HOMER1: variants seen among roughly 807,000 people sequenced by gnomAD.
HOMER1 encodes homer scaffold protein 1.
Under a neutral mutation model 48.9 loss-of-function variants are expected in HOMER1, and 3 were observed. The observed-to-expected ratio is 0.06, with a 90% CI of 0.03 to 0.16. The LOEUF (loss-of-function observed/expected upper bound fraction) is 0.16. Ranked by LOEUF, HOMER1 falls within the 10% of genes least tolerant of loss-of-function variation. The pLI is 1.00. For synonymous variants in HOMER1, 134 were observed against 146.4 expected (o/e 0.92, Z 0.61); for missense variants, 247 against 411.4 (o/e 0.60, Z 3.46).
chr5:79,414,901 C>CT (rs1749904235), intron 5 of HOMER1, among the ~76,000 whole-genome samples: 1 of 152,090 alleles, frequency 6.6e-6, no homozygotes, highest in Admixed American at 6.6e-5. Flanking sequence ...TATATGTTGA[C>CT]TGATGAAGTT....
chr5:79,511,322 T>G (rs1213568897), intron 1 of HOMER1, among the ~76,000 whole-genome samples: 1 of 152,268 alleles, frequency 6.6e-6, no homozygotes, highest in Non-Finnish European at 1.5e-5. Flanking sequence ...TTTTCAGCGT[T>G]AAGCGCTTAA....
At chr5:79,486,753 A>AT (rs1313825907) in intron 1 of HOMER1, among the ~76,000 whole-genome samples, 1 of 152,230 alleles carries the variant, frequency 6.6e-6, no homozygotes, top group Non-Finnish European at 1.5e-5. Flanking sequence ...AGAAAGCCAG[A>AT]TAAACCCCAG....
At chr5:79,501,594 C>G (rs73770439) in intron 1 of HOMER1, among the ~76,000 whole-genome samples, 31,528 of 152,084 alleles carry the variant, frequency 0.21, 3,590 homozygotes, top group Admixed American at 0.31. Flanking sequence ...AATGAACTCA[C>G]CTATAAGAAA....
chr5:79,476,433 G>A (rs1435355041), intron 1 of HOMER1, among the ~76,000 whole-genome samples: 4 of 152,136 alleles, frequency 2.6e-5, no homozygotes, highest in Admixed American at 2.6e-4. Flanking sequence ...TATAGTGTCA[G>A]ATCGCACAGG....
chr5:79,480,089 T>C (rs1374730100), intron 1 of HOMER1, among the ~76,000 whole-genome samples: 3 of 151,760 alleles, frequency 2.0e-5, no homozygotes, highest in African/African-American at 4.8e-5. Flanking sequence ...CAAACCAACA[T>C]GTCATTTAGA....
intron 3 of HOMER1, among the ~76,000 whole-genome samples, chr5:79,450,174 G>A (rs1750993079): frequency 6.6e-6 from 1 of 152,152 alleles, no homozygotes; most frequent in Admixed American, 6.5e-5. Context: ...AAAATATATG[G>A]TTATTCTTTT....
chr5:79,414,531 C>G (rs943783416), intron 5 of HOMER1, among the ~76,000 whole-genome samples: 1 of 151,902 alleles, frequency 6.6e-6, no homozygotes, highest in African/African-American at 2.4e-5. Context: ...AGGTACATAC[C>G]ACCACACTTG....
At chr5:79,483,770 A>C (rs1026939753) in intron 1 of HOMER1, among the ~76,000 whole-genome samples, 2 of 145,840 alleles carry the variant, frequency 1.4e-5, no homozygotes, top group South Asian at 2.2e-4. Context: ...AAAAAAAAAA[A>C]GTGGCCGGGT....
At position 79,379,369 on chromosome 5, in the gene HOMER1, TATATTTATATATTTTATATATTATATAA is replaced by T. The variant is rs1419710027; in HGVS notation, c.877-3200_877-3173del. On this transcript the variant is annotated intron_variant, in intron 8 of 8. Coordinates refer to ENST00000334082, the MANE Select transcript of HOMER1 (RefSeq NM_004272.5). Reference sequence around the variant, plus strand: ...TTTATATATTATATAAATATTTATATATATTTATATATTTTATATATTATATAAATATTTATATATTTATATATTTTAT... The same window carrying T: ...TTTATATATTATATAAATATTTATATATATTTATATATTTATATATTTTAT... Among the ~76,000 whole-genome samples the T allele has an allele frequency of 1.1e-4, 12 of 113,258 alleles. No homozygotes were observed. The East Asian group carries it at 2.5e-3, about 24-fold the overall frequency. 74.3% of individuals were successfully genotyped at this position (113,258 alleles called of 152,430 possible).
chr5:79,456,976 A>T lies in HOMER1; in HGVS notation c.48T>A (p.Ile16=), dbSNP rs759234935. Residue 16 remains isoleucine, a synonymous_variant, in exon 2 of 9, where the codon ATT becomes ATA. Transcript: ENST00000334082. The stretch of plus-strand genomic sequence containing the variant: ...CCCAGTTCTTCTTTGTGTTTGGGTC[A>T]ATTTGGAAGACATGAGCTCGAGTGC... ...IFSTRAHVFQ[I]DPNTKKNWVP... The T allele has an allele frequency of 7.4e-6, 12 of 1,614,062 alleles. No homozygotes were observed. Among genetic ancestry groups the T allele is most frequent in the Non-Finnish European group, 1.0e-5 (12 of 1,179,934 alleles).
intron 8 of HOMER1, among the ~76,000 whole-genome samples, chr5:79,390,121 A>G (rs1312142439): frequency 6.6e-6 from 1 of 152,098 alleles, no homozygotes; most frequent in Non-Finnish European, 1.5e-5. Flanking sequence ...CCCCACTTCT[A>G]CAAAAAATTA....
At chr5:79,440,067 T>C (rs1487364740) in intron 4 of HOMER1, among the ~76,000 whole-genome samples, 1 of 152,074 alleles carries the variant, frequency 6.6e-6, no homozygotes, top group African/African-American at 2.4e-5. Context: ...GAAATATCTG[T>C]CTATATTTGG....
chr5:79,463,027 A>C (rs1561373238), intron 1 of HOMER1, among the ~76,000 whole-genome samples: 1 of 152,218 alleles, frequency 6.6e-6, no homozygotes. Context: ...TTAATTTTCC[A>C]AAAGAAAGTA....
intron 1 of HOMER1, among the ~76,000 whole-genome samples, chr5:79,494,701 C>A (rs1042920784): frequency 3.3e-5 from 5 of 152,080 alleles, no homozygotes; most frequent in African/African-American, 1.2e-4. Flanking sequence ...AAACTCTATC[C>A]CTACTAAAAA....
intron 1 of HOMER1, among the ~76,000 whole-genome samples, chr5:79,501,745 C>T (rs1401567359): frequency 6.6e-6 from 1 of 152,148 alleles, no homozygotes; most frequent in Non-Finnish European, 1.5e-5. Flanking sequence ...TGGGGGAATC[C>T]AGCACATGAT....
chr5:79,499,498 T>G (rs1270190776), intron 1 of HOMER1, among the ~76,000 whole-genome samples: 1 of 123,596 alleles, frequency 8.1e-6, no homozygotes, highest in African/African-American at 3.2e-5. Flanking sequence ...AGAAAAATTT[T>G]TGGGGATTTG....
intron 1 of HOMER1, among the ~76,000 whole-genome samples, chr5:79,505,666 G>A (rs1042403874): frequency 1.6e-4 from 24 of 152,014 alleles, no homozygotes; most frequent in African/African-American, 5.6e-4. Flanking sequence ...ATTAATATTA[G>A]GTGTTAAGAG....
chr5:79,429,328 C>T (rs1416901441), intron 5 of HOMER1, among the ~76,000 whole-genome samples: 1 of 152,092 alleles, frequency 6.6e-6, no homozygotes, highest in Non-Finnish European at 1.5e-5. Flanking sequence ...TGAGCCAAGA[C>T]GGCCCCACTG....
At chr5:79,486,734 A>G (rs936905305) in intron 1 of HOMER1, among the ~76,000 whole-genome samples, 3 of 152,202 alleles carry the variant, frequency 2.0e-5, no homozygotes, top group Non-Finnish European at 4.4e-5. Flanking sequence ...ATGGCATAAA[A>G]TGAGGTTTAG....
Sources: gnomAD v4.1 joint callset for allele counts (sites outside exome capture counted in the v4.1 genomes callset) on GRCh38, gnomAD v4.1.1 for gene constraint, MANE v1.5 for transcripts, NCBI Gene and HGNC (gene_info 2026-07-23, HGNC 2026-07-21) for gene names.